The following REPS1 variants were observed in gnomAD, a reference collection of about 807,000 sequenced individuals.
The protein encoded by REPS1 is RALBP1 associated Eps domain containing 1.
Under a neutral mutation model 100.9 loss-of-function variants are expected in REPS1, and 39 were observed. The observed-to-expected ratio is 0.39, with a 90% CI of 0.30 to 0.50. The LOEUF (loss-of-function observed/expected upper bound fraction) is 0.50. REPS1 is among the 20% of genes least tolerant of loss of function. The pLI, the probability that REPS1 is intolerant of heterozygous loss-of-function variation, is 0.86. For synonymous variants in REPS1, 324 were observed against 340.3 expected, an observed-to-expected ratio of 0.95 and a Z score of 0.53; for missense variants, 821 against 968.5, an observed-to-expected ratio of 0.85 and a Z score of 2.02.
intron 15 of REPS1, among the ~76,000 whole-genome samples, chr6:138,913,626 TAAAG>T (rs1213717292): frequency 2.0e-5 from 3 of 152,220 alleles, no homozygotes; most frequent in East Asian, 3.8e-4. Flanking sequence ...TAAAGGATAC[TAAAG>T]AAAGAAATCT....
intron 13 of REPS1, 38 bp from the exon 14 acceptor site, chr6:138,916,014 G>C (rs1430477697): frequency 1.4e-6 from 2 of 1,408,902 alleles, no homozygotes; most frequent in Non-Finnish European, 2.0e-6. Context: ...TCATACTACT[G>C]ATATCAGAGC....
At chr6:138,916,217 T>TA in intron 13 of REPS1, 5 of 325,062 alleles carry the variant, frequency 1.5e-5, no homozygotes, top group Non-Finnish European at 2.2e-5. Context: ...TTTCTTTTTT[T>TA]CTTTTTTTTT....
intron 1 of REPS1, among the ~76,000 whole-genome samples, chr6:138,953,345 G>A (rs763950916): frequency 6.6e-6 from 1 of 151,990 alleles, no homozygotes; most frequent in Non-Finnish European, 1.5e-5. Flanking sequence ...AAACAAATGG[G>A]ATTGTATCAA....
chr6:138,917,637 G>C lies in REPS1; in HGVS notation c.1529-10C>G, dbSNP rs749367138. On this transcript the variant is annotated splice_polypyrimidine_tract_variant and intron_variant, in intron 12 of 19. Transcript: ENST00000450536. ...CTACTGTAACCATCTGCTGATAAATGGGATATGTCCTATTTAATAATAATC... is the reference window on the plus strand; with the variant it reads ...CTACTGTAACCATCTGCTGATAAATCGGATATGTCCTATTTAATAATAATC... 37 of 1,598,350 alleles carry C rather than the reference G, an allele frequency of 2.3e-5. No individual in the cohort carries two copies. The highest frequency in any genetic ancestry group is 3.2e-5 in the Non-Finnish European group (37 of 1,166,454).
intron 1 of REPS1, among the ~76,000 whole-genome samples, chr6:138,959,306 A>C (rs1471968995): frequency 6.6e-6 from 1 of 152,192 alleles, no homozygotes; most frequent in Non-Finnish European, 1.5e-5. Context: ...TGGTGAGAAA[A>C]AACCGAAGTC....
chr6:138,919,595 G>C (rs777136899), intron 12 of REPS1, among the ~76,000 whole-genome samples: 12 of 152,184 alleles, frequency 7.9e-5, no homozygotes, highest in Non-Finnish European at 1.3e-4. Flanking sequence ...AGCAGGTCCT[G>C]CCTTAGGGCT....
intron 14 of REPS1, 46 bp from the exon 15 acceptor site, chr6:138,914,807 T>C (rs1239053484): frequency 1.4e-6 from 2 of 1,468,254 alleles, no homozygotes; most frequent in Admixed American, 3.7e-5. Flanking sequence ...GTATAATCAC[T>C]TTGTTAATAG....
At chr6:138,920,342 T>C (rs200626125) in intron 11 of REPS1, 26 bp from the exon 12 acceptor site, 86 of 1,232,756 alleles carry the variant, frequency 7.0e-5, no homozygotes, top group Admixed American at 2.5e-4. Flanking sequence ...TAGGTAAAAA[T>C]ACAAGACATA....
intron 8 of REPS1, 102 bp downstream of exon 8, chr6:138,941,233 A>C (rs1187876723): frequency 8.3e-7 from 1 of 1,201,700 alleles, no homozygotes; most frequent in African/African-American, 1.5e-5. Context: ...GAAATATCTA[A>C]GCTATTAAGC....
At chr6:138,964,114 C>T (rs1243380180) in intron 1 of REPS1, among the ~76,000 whole-genome samples, 1 of 152,158 alleles carries the variant, frequency 6.6e-6, no homozygotes, top group Non-Finnish European at 1.5e-5. Context: ...AACTCAAATG[C>T]TCTTTGATTT....
intron 9 of REPS1, chr6:138,928,951 C>T (rs568129737): frequency 3.9e-5 from 6 of 152,216 alleles, no homozygotes; most frequent in African/African-American, 1.2e-4. Context: ...AGTATCCTGG[C>T]TGCAATTATG....
intron 1 of REPS1, among the ~76,000 whole-genome samples, chr6:138,969,010 A>C (rs536113708): frequency 6.6e-6 from 1 of 152,294 alleles, no homozygotes; most frequent in Non-Finnish European, 1.5e-5. Context: ...CCTTGATTCA[A>C]GTACACACCC....
chr6:138,984,072 C>CTA (rs1456475209), intron 1 of REPS1, among the ~76,000 whole-genome samples: 14 of 149,934 alleles, frequency 9.3e-5, no homozygotes, highest in Admixed American at 2.0e-4. Flanking sequence ...CCATCTCTCT[C>CTA]TCTCTCTTTT....
chr6:138,967,274 GT>G (rs1226650537), intron 1 of REPS1, among the ~76,000 whole-genome samples: 2 of 152,090 alleles, frequency 1.3e-5, no homozygotes, highest in African/African-American at 2.4e-5. Context: ...ATGGTATTCT[GT>G]TTAAAATAGC....
intron 16 of REPS1, among the ~76,000 whole-genome samples, chr6:138,911,999 C>T (rs1780045121): frequency 6.6e-6 from 1 of 152,070 alleles, no homozygotes; most frequent in East Asian, 1.9e-4. Context: ...AGTACGGTAC[C>T]CTGTGCACAC....
At position 138,987,832 on chromosome 6, in the gene REPS1, C is replaced by A; in HGVS notation, c.-150G>T. 1.0e-6 allele frequency: 1 copy of A among 960,538 alleles called. No individual in the cohort carries two copies. The highest frequency in any genetic ancestry group is 1.4e-6 in the Non-Finnish European group (1 of 726,774). The allele number at this position is 960,538 out of a possible 1,614,324, so 59.5% of individuals were successfully genotyped here. On this transcript the variant is annotated 5_prime_UTR_variant, in exon 1 of 20. Transcript: ENST00000450536. ...CGGCCTCACACGCGCCAGGTGCGCC[C>A]GAGCAACAGGGCCCGGAGGTCGCGA...
chr6:138,940,562 T>C (rs1303124433), intron 8 of REPS1, among the ~76,000 whole-genome samples: 2 of 151,896 alleles, frequency 1.3e-5, no homozygotes, highest in Non-Finnish European at 2.9e-5. Context: ...CTGGCCAACA[T>C]GGTGAAACCC....
chr6:138,959,216 G>A (rs1186814920), intron 1 of REPS1, among the ~76,000 whole-genome samples: 1 of 152,110 alleles, frequency 6.6e-6, no homozygotes, highest in African/African-American at 2.4e-5. Flanking sequence ...GCATAGTGAG[G>A]TTCTCTGTTC....
At chr6:138,952,399 TC>T in intron 1 of REPS1, among the ~76,000 whole-genome samples, 1 of 152,082 alleles carries the variant, frequency 6.6e-6, no homozygotes, top group African/African-American at 2.4e-5. Flanking sequence ...CATTTTTTTT[TC>T]TTTTTTTTTT....
Sources: gnomAD v4.1 joint callset for allele counts (sites outside exome capture counted in the v4.1 genomes callset) on GRCh38, gnomAD v4.1.1 for gene constraint, MANE v1.5 for transcripts, NCBI Gene and HGNC (gene_info 2026-07-23, HGNC 2026-07-21) for gene names.